Variants in ZMYM2 observed in about 807,000 individuals in gnomAD.
ZMYM2 encodes the protein zinc finger MYM-type protein 2.
ZMYM2 carries 56 observed loss-of-function variants against 162.8 expected under a neutral mutation model. The observed-to-expected ratio is 0.34, with a 90% CI of 0.28 to 0.43. The LOEUF is 0.43. ZMYM2 is among the 20% of genes least tolerant of loss of function. The pLI, the probability that ZMYM2 is intolerant of heterozygous loss-of-function variation, is 1.00. For synonymous variants in ZMYM2, 510 were observed against 541.6 expected (o/e 0.94, Z 0.81); for missense variants, 1,275 against 1,621.8 (o/e 0.79, Z 3.67).
chr13:20,034,500 A>T (rs373358945), intron 11 of ZMYM2, 96 bp downstream of exon 11: 26 of 1,205,390 alleles, frequency 2.2e-5, no homozygotes, highest in Middle Eastern at 3.2e-4. Context: ...ATTTTAATGT[A>T]GCTGAACAAA....
the ZMYM2 span, among the ~76,000 whole-genome samples, chr13:19,914,645 A>G: frequency 6.6e-6 from 1 of 152,242 alleles, no homozygotes; most frequent in Non-Finnish European, 1.5e-5. Flanking sequence ...TGCTTCTGCC[A>G]AAACTACCAT....
chr13:20,015,585 T>C (rs1408224255), intron 6 of ZMYM2, among the ~76,000 whole-genome samples: 1 of 152,204 alleles, frequency 6.6e-6, no homozygotes, highest in Non-Finnish European at 1.5e-5. Flanking sequence ...TGTACAATTA[T>C]CTGCTTCTAC....
At chr13:19,898,468 C>CAG in the ZMYM2 span, among the ~76,000 whole-genome samples, 16 of 150,812 alleles carry the variant, frequency 1.1e-4, no homozygotes, top group African/African-American at 3.4e-4. Flanking sequence ...CTCCTGACCT[C>CAG]GTGATCCACC....
chr13:20,047,130 C>T (rs1423335206), intron 12 of ZMYM2, among the ~76,000 whole-genome samples: 2 of 152,188 alleles, frequency 1.3e-5, no homozygotes, highest in East Asian at 1.9e-4. Flanking sequence ...TGTTTCTGTA[C>T]GATCAATATG....
Position 20,073,159 on chromosome 13 carries a change from C to A in ZMYM2, c.3453+5769C>A, listed in dbSNP as rs182201067. On this transcript the variant is annotated intron_variant, in intron 21 of 24. Transcript: ENST00000610343. Reference sequence around the variant, plus strand: ...CAGACCTCAAGTGATCCGCCTGCCCCAGTTTTCCAAAGTGCTGGGATTACA... The same window carrying A: ...CAGACCTCAAGTGATCCGCCTGCCCAAGTTTTCCAAAGTGCTGGGATTACA... Among the ~76,000 whole-genome samples, 19 of 152,224 alleles carry A rather than the reference C, an allele frequency of 1.2e-4. 1 individual carries two copies. The highest frequency in any genetic ancestry group is 6.8e-3 in the Middle Eastern group (2 of 294).
rs188202693 is a variant in ZMYM2 at position 20,051,614 on chromosome 13, G to A, written c.2458+16G>A. On this transcript the variant is annotated intron_variant, in intron 13 of 24. Coordinates refer to ENST00000610343, the MANE Select transcript of ZMYM2 (RefSeq NM_197968.4). The stretch of plus-strand genomic sequence containing the variant: ...TTACATTATGGTATGTAATGATTTA[G>A]GTGATAACTTGAAAACCCTGTACAT... 1,042 of 1,601,172 alleles carry A rather than the reference G, an allele frequency of 6.5e-4. 4 individuals are homozygous for A. Among genetic ancestry groups the A allele is most frequent in the Admixed American group, 2.9e-3 (165 of 56,826 alleles).
At chr13:20,049,277 A>G (rs1204070491) in intron 12 of ZMYM2, among the ~76,000 whole-genome samples, 1 of 151,866 alleles carries the variant, frequency 6.6e-6, no homozygotes, top group Non-Finnish European at 1.5e-5. Context: ...GAAATTATCT[A>G]AATTTGTTTT....
the ZMYM2 span, among the ~76,000 whole-genome samples, chr13:19,944,860 G>T: frequency 3.3e-5 from 5 of 151,984 alleles, no homozygotes; most frequent in African/African-American, 1.2e-4. Context: ...TAGTAGAGAT[G>T]GGGTTTTGCT....
chr13:20,017,709 A>T (rs982669519), intron 6 of ZMYM2, among the ~76,000 whole-genome samples: 28 of 149,182 alleles, frequency 1.9e-4, no homozygotes, highest in African/African-American at 6.9e-4. Flanking sequence ...ACTTTTTATT[A>T]TTCTGTCTTC....
intron 2 of ZMYM2, among the ~76,000 whole-genome samples, chr13:19,980,573 G>C (rs1957228835): frequency 6.6e-6 from 1 of 151,782 alleles, no homozygotes; most frequent in Admixed American, 6.6e-5. Flanking sequence ...CCAACATGGT[G>C]AAACCCTGTC....
chr13:19,873,125 A>C, the ZMYM2 span, among the ~76,000 whole-genome samples: 2 of 152,194 alleles, frequency 1.3e-5, no homozygotes, highest in Non-Finnish European at 2.9e-5. Flanking sequence ...CATTGCAGCC[A>C]TAATGACAGA....
chr13:19,987,189 A>G (rs929242791), intron 2 of ZMYM2, among the ~76,000 whole-genome samples: 15 of 150,308 alleles, frequency 1.0e-4, no homozygotes, highest in Admixed American at 4.6e-4. Flanking sequence ...AAAATGGTAG[A>G]GGTCAGGATT....
At chr13:19,986,215 A>AAAAC (rs1029278328) in intron 2 of ZMYM2, among the ~76,000 whole-genome samples, 1 of 151,358 alleles carries the variant, frequency 6.6e-6, no homozygotes, top group African/African-American at 2.4e-5. Flanking sequence ...ACAAACAAAC[A>AAAAC]AAACAAACAA....
intron 19 of ZMYM2, chr13:20,066,561 T>A: frequency 3.8e-6 from 1 of 262,468 alleles, no homozygotes; most frequent in Non-Finnish European, 7.1e-6. Context: ...ATATTTACGA[T>A]TCATTAGGTG....
intron 8 of ZMYM2, 107 bp from the exon 9 acceptor site, chr13:20,027,096 A>G (rs1682397276): frequency 1.3e-6 from 1 of 769,606 alleles, no homozygotes; most frequent in Non-Finnish European, 2.0e-6. Flanking sequence ...GGTGCAAATA[A>G]TAATAGTTTA....
chr13:19,983,048 A>G (rs1048185608), intron 2 of ZMYM2, among the ~76,000 whole-genome samples: 5 of 152,136 alleles, frequency 3.3e-5, no homozygotes, highest in South Asian at 4.1e-4. Flanking sequence ...TTATTTTACT[A>G]TATAAACTCA....
intron 3 of ZMYM2, among the ~76,000 whole-genome samples, chr13:19,994,441 A>G (rs1202445106): frequency 1.3e-5 from 2 of 152,238 alleles, no homozygotes; most frequent in Non-Finnish European, 2.9e-5. Context: ...GAACCAAAAG[A>G]TTAATATAAT....
chr13:19,883,798 C>T, the ZMYM2 span, among the ~76,000 whole-genome samples: 2 of 152,012 alleles, frequency 1.3e-5, no homozygotes, highest in Admixed American at 1.3e-4. Flanking sequence ...ATTCTGTTGC[C>T]CAGGCTGGAG....
intron 3 of ZMYM2, among the ~76,000 whole-genome samples, chr13:19,997,907 T>A (rs1219831991): frequency 6.6e-6 from 1 of 152,200 alleles, no homozygotes; most frequent in Non-Finnish European, 1.5e-5. Flanking sequence ...TTTAGCTTGG[T>A]TCCAGTTTTT....
Sources: allele counts gnomAD v4.1 joint callset (sites outside exome capture counted in the v4.1 genomes callset), GRCh38; gene constraint gnomAD v4.1.1; transcripts MANE v1.5; gene names NCBI Gene and HGNC (gene_info 2026-07-23, HGNC 2026-07-21).